AKAP6: variants seen among roughly 807,000 people sequenced by gnomAD.
The protein encoded by AKAP6 is A-kinase anchor protein 6.
AKAP6 carries 58 observed loss-of-function variants against 188.5 expected under a neutral mutation model. The observed-to-expected ratio is 0.31, with a 90% confidence interval of 0.25 to 0.38. AKAP6 has a LOEUF of 0.38. AKAP6 is among the 10% of genes least tolerant of loss of function. The probability of loss-of-function intolerance (pLI) is 1.00; values close to 1 mark genes in which losing one functional copy is unlikely to be tolerated. For synonymous variants in AKAP6, 989 were observed against 998.6 expected (o/e 0.99, Z 0.18); for missense variants, 2,710 against 2,740.0 (o/e 0.99, Z 0.24).
intron 12 of AKAP6, among the ~76,000 whole-genome samples, chr14:32,814,564 C>T (rs950534201): frequency 6.6e-6 from 1 of 152,152 alleles, no homozygotes; most frequent in Non-Finnish European, 1.5e-5. Context: ...TTAGCTTTTA[C>T]AACTGAGAGT....
intron 2 of AKAP6, among the ~76,000 whole-genome samples, chr14:32,445,657 G>A (rs1000330957): frequency 3.9e-5 from 6 of 152,074 alleles, no homozygotes; most frequent in Non-Finnish European, 7.4e-5. Context: ...GATTACAGGC[G>A]TGAGCCACTG....
In AKAP6 at chr14:32,685,752, G is replaced by T. The variant is rs1340360868; in HGVS notation, c.2879+7293G>T. Among the ~76,000 whole-genome samples the T allele has an allele frequency of 6.7e-5, 10 of 148,560 alleles. No individual in the cohort carries two copies. The Admixed American group carries it at 6.7e-4, about 10-fold the overall frequency. On this transcript the variant is annotated intron_variant, in intron 8 of 13. Transcript: ENST00000280979. ...AAAAAAAAAAAAAAAAAAGAGGTCT[G>T]TGCAGTTCAAATGGCTTTTATTCAA...
intron 2 of AKAP6, among the ~76,000 whole-genome samples, chr14:32,497,118 C>T (rs1321832020): frequency 6.6e-6 from 1 of 152,110 alleles, no homozygotes; most frequent in Non-Finnish European, 1.5e-5. Context: ...GAAAGTTCAT[C>T]CTCTGGATAG....
chr14:32,342,385 C>A (rs1333222593), intron 1 of AKAP6, among the ~76,000 whole-genome samples: 2 of 152,116 alleles, frequency 1.3e-5, no homozygotes. Context: ...CCATGTCTAC[C>A]CTCACCTAAG....
chr14:32,438,185 G>T (rs1430490594), intron 2 of AKAP6, among the ~76,000 whole-genome samples: 1 of 152,108 alleles, frequency 6.6e-6, no homozygotes, highest in Non-Finnish European at 1.5e-5. Context: ...ATATGTTTGG[G>T]GCATTGCTCT....
At chr14:32,686,443 A>G (rs958842186) in intron 8 of AKAP6, among the ~76,000 whole-genome samples, 3 of 152,178 alleles carry the variant, frequency 2.0e-5, no homozygotes, top group Non-Finnish European at 4.4e-5. Flanking sequence ...AGAAAAGAGT[A>G]TAATTGGATT....
intron 12 of AKAP6, among the ~76,000 whole-genome samples, chr14:32,802,706 A>G (rs1373636830): frequency 6.6e-6 from 1 of 152,228 alleles, no homozygotes; most frequent in East Asian, 1.9e-4. Context: ...CTTTATTTAC[A>G]AAACCAAAAA....
intron 12 of AKAP6, among the ~76,000 whole-genome samples, chr14:32,794,820 A>G (rs1223110323): frequency 1.3e-5 from 2 of 152,184 alleles, no homozygotes; most frequent in African/African-American, 2.4e-5. Flanking sequence ...AGATAGAGAC[A>G]TGAAAACCTC....
chr14:32,634,626 T>C (rs1167992893), intron 7 of AKAP6, among the ~76,000 whole-genome samples: 1 of 152,034 alleles, frequency 6.6e-6, no homozygotes, highest in Non-Finnish European at 1.5e-5. Context: ...GTTGAGGTTA[T>C]TCATTTTGAG....
chr14:32,501,965 AT>A (rs1158329404), intron 2 of AKAP6, among the ~76,000 whole-genome samples: 4 of 152,152 alleles, frequency 2.6e-5, no homozygotes, highest in Non-Finnish European at 5.9e-5. Flanking sequence ...AATATGCCTT[AT>A]TACTGGATCG....
In AKAP6 at chr14:32,546,910, C is replaced by T; in HGVS notation, c.2257C>T (p.His753Tyr). ...TTCATCCTCTGAGAAAAATGAGAGC[C>T]ATTCTGCCACTAAATCAGCTTTAAT... ...RASSSEKNES[H>Y]SATKSALIQK... The change falls in exon 4 of 14, where the codon CAT (histidine) becomes TAT (tyrosine). Residue 753 changes from histidine (H) to tyrosine (Y), a missense_variant. His to Tyr is a moderately conservative substitution (Grantham distance 83). Coordinates refer to ENST00000280979, the MANE Select transcript of AKAP6 (RefSeq NM_004274.5). The T allele has an allele frequency of 6.2e-7, 1 of 1,613,618 alleles. No individual in the cohort carries two copies. Among genetic ancestry groups the T allele is most frequent in the Non-Finnish European group, 8.5e-7 (1 of 1,179,988 alleles).
chr14:32,653,255 GT>G (rs1273209466), intron 7 of AKAP6, among the ~76,000 whole-genome samples: 7 of 152,064 alleles, frequency 4.6e-5, no homozygotes, highest in African/African-American at 7.2e-5. Flanking sequence ...ATTAATAAGT[GT>G]TGTGATATAG....
intron 4 of AKAP6, among the ~76,000 whole-genome samples, chr14:32,549,344 T>A (rs149128055): frequency 2.6e-5 from 4 of 152,284 alleles, no homozygotes; most frequent in African/African-American, 9.6e-5. Context: ...TACTAAACCT[T>A]AAGTGGAGCT....
At chr14:32,430,466 G>T (rs1046182204) in intron 1 of AKAP6, among the ~76,000 whole-genome samples, 1 of 152,166 alleles carries the variant, frequency 6.6e-6, no homozygotes, top group African/African-American at 2.4e-5. Context: ...TCCCAAGAAG[G>T]CCCTGCCTTG....
intron 2 of AKAP6, chr14:32,442,322 A>G (rs768459336): frequency 2.0e-5 from 3 of 152,200 alleles, no homozygotes; most frequent in African/African-American, 4.8e-5. Flanking sequence ...TTGAGTGGCT[A>G]TAAAGCATAA....
At chr14:32,619,230 G>T (rs1886714144) in intron 7 of AKAP6, among the ~76,000 whole-genome samples, 1 of 151,876 alleles carries the variant, frequency 6.6e-6, no homozygotes, top group East Asian at 1.9e-4. Context: ...TTTGCTTTCG[G>T]GGTCTTAGTC....
At chr14:32,812,914 T>G (rs911370192) in intron 12 of AKAP6, among the ~76,000 whole-genome samples, 1 of 152,152 alleles carries the variant, frequency 6.6e-6, no homozygotes, top group African/African-American at 2.4e-5. Flanking sequence ...AGACAGCAAA[T>G]GTGTGGGGTT....
At chr14:32,616,615 G>A (rs1594785216) in intron 7 of AKAP6, among the ~76,000 whole-genome samples, 1 of 152,210 alleles carries the variant, frequency 6.6e-6, no homozygotes, top group East Asian at 1.9e-4. Context: ...AGGGTGGGAG[G>A]AGGGAAAGCA....
intron 12 of AKAP6, among the ~76,000 whole-genome samples, chr14:32,805,399 T>C (rs1442340456): frequency 6.6e-6 from 1 of 152,182 alleles, no homozygotes; most frequent in African/African-American, 2.4e-5. Context: ...ACTAAGATAT[T>C]GAAATTGTCA....
Sources: gnomAD v4.1 joint callset for allele counts (sites outside exome capture counted in the v4.1 genomes callset) on GRCh38, gnomAD v4.1.1 for gene constraint, MANE v1.5 for transcripts, NCBI Gene and HGNC (gene_info 2026-07-23, HGNC 2026-07-21) for gene names.